The following CDH13 variants were observed in gnomAD, a reference collection of about 807,000 sequenced individuals.
The protein encoded by CDH13 is cadherin-13.
A neutral mutation model predicts 63.8 loss-of-function variants in CDH13; 24 were observed. The ratio of observed to expected loss-of-function variants is 0.38; its 90% CI spans 0.27 to 0.53. The LOEUF is 0.53. CDH13 is among the 20% of genes least tolerant of loss of function. The probability of loss-of-function intolerance (pLI) is 0.85; values close to 1 mark genes in which losing one functional copy is unlikely to be tolerated. For missense variants in CDH13, 1,049 were observed against 903.1 expected, an observed-to-expected ratio of 1.16 and a Z score of -2.07; for synonymous variants, 503 against 355.3, an observed-to-expected ratio of 1.42 and a Z score of -4.67.
intron 2 of CDH13, among the ~76,000 whole-genome samples, chr16:82,970,118 C>T (rs1199326640): frequency 1.3e-5 from 2 of 152,004 alleles, no homozygotes; most frequent in South Asian, 2.1e-4. Flanking sequence ...GTGGTGTTTC[C>T]CTCCCTGTTT....
At chr16:83,004,607 C>T (rs941754297) in intron 2 of CDH13, among the ~76,000 whole-genome samples, 6 of 152,190 alleles carry the variant, frequency 3.9e-5, no homozygotes, top group East Asian at 3.9e-4. Flanking sequence ...AAGCGATTCT[C>T]GTGCCTCAGC....
intron 4 of CDH13, among the ~76,000 whole-genome samples, chr16:83,155,797 C>T (rs1232101669): frequency 1.3e-5 from 2 of 152,158 alleles, no homozygotes; most frequent in Non-Finnish European, 2.9e-5. Context: ...GTAGTCAAGT[C>T]AAGGCAGTAG....
intron 4 of CDH13, among the ~76,000 whole-genome samples, 193 bp from the exon 5 acceptor site, chr16:83,217,152 A>C (rs1216290095): frequency 1.3e-5 from 2 of 152,160 alleles, no homozygotes; most frequent in Non-Finnish European, 2.9e-5. Context: ...AGCTGCAAAG[A>C]CGTGGATATT....
At chr16:82,814,644 C>G (rs928686883) in intron 1 of CDH13, among the ~76,000 whole-genome samples, 2 of 152,160 alleles carry the variant, frequency 1.3e-5, no homozygotes, top group African/African-American at 4.8e-5. Context: ...TTCATCTATA[C>G]TCTTTGTAAT....
rs1909783502 is a variant in CDH13, at chr16:82,644,191, C to G, written c.45+17054C>G. ...CAAATTAACATGAATGTTTGGCACCCTTTGGCTGGTGCGGCTGAAGAATTC... is the reference window on the plus strand; with the variant it reads ...CAAATTAACATGAATGTTTGGCACCGTTTGGCTGGTGCGGCTGAAGAATTC... On this transcript the variant is annotated intron_variant, in intron 1 of 13. Transcript: ENST00000567109. The surrounding 1 kb of genome is among the most constrained non-coding windows in gnomAD (Gnocchi z 5.7). 6.6e-6 allele frequency among the ~76,000 whole-genome samples: 1 copy of G among 152,140 alleles called. No individual in the cohort carries two copies. The highest frequency in any genetic ancestry group is 2.1e-4 in the South Asian group (1 of 4,830).
chr16:82,668,010 A>G (rs1001137804), intron 1 of CDH13, among the ~76,000 whole-genome samples: 2 of 152,182 alleles, frequency 1.3e-5, no homozygotes, highest in African/African-American at 2.4e-5. Flanking sequence ...TCGCGACACC[A>G]TTACCAGGAC....
intron 3 of CDH13, among the ~76,000 whole-genome samples, chr16:83,110,115 C>T (rs750676723): frequency 5.3e-5 from 8 of 152,096 alleles, no homozygotes; most frequent in Admixed American, 2.0e-4. Context: ...TTTTTAGGTT[C>T]AACTTTTCAA....
At position 82,783,658 on chromosome 16, in the gene CDH13, A is replaced by T. The variant is rs11642248; in HGVS notation, c.46-74704A>T. Among the ~76,000 whole-genome samples, 34 of 152,212 alleles carry T rather than the reference A, an allele frequency of 2.2e-4. 1 individual carries two copies. In the East Asian group the frequency reaches 6.4e-3, roughly 29 times the overall value. On this transcript the variant is annotated intron_variant, in intron 1 of 13. Coordinates refer to ENST00000567109, the MANE Select transcript of CDH13 (RefSeq NM_001257.5). The stretch of plus-strand genomic sequence containing the variant: ...GGAACTAAATGGAGTTGCTTGTTCA[A>T]TGAGATTCTAATTTCAGTGAGAGGA...
At chr16:83,087,671 C>CAAAAAAAAAAAAAAA (rs67228844) in intron 3 of CDH13, among the ~76,000 whole-genome samples, 6 of 43,996 alleles carry the variant, frequency 1.4e-4, no homozygotes, top group African/African-American at 5.2e-4. Context: ...CCCTCCGTCT[C>CAAAAAAAAAAAAAAA]AAAAAAAAAA....
At chr16:83,244,324 C>T (rs1259187298) in intron 5 of CDH13, among the ~76,000 whole-genome samples, 2 of 152,022 alleles carry the variant, frequency 1.3e-5, no homozygotes, top group Non-Finnish European at 2.9e-5. Context: ...GTGATGGTTA[C>T]TGTGTGTGAA....
intron 6 of CDH13, among the ~76,000 whole-genome samples, chr16:83,464,369 G>T (rs544166217): frequency 1.3e-5 from 2 of 151,980 alleles, no homozygotes; most frequent in Non-Finnish European, 2.9e-5. Flanking sequence ...AAAATGAGCC[G>T]GGCGTGATGG....
chr16:83,426,963 G>A (rs941538416), intron 6 of CDH13, among the ~76,000 whole-genome samples: 2 of 111,102 alleles, frequency 1.8e-5, no homozygotes, highest in Non-Finnish European at 3.3e-5. Flanking sequence ...CGCTTGCTCT[G>A]TCGCCCAGGC....
At chr16:83,411,256 C>G (rs188986767) in intron 6 of CDH13, among the ~76,000 whole-genome samples, 2 of 152,346 alleles carry the variant, frequency 1.3e-5, no homozygotes, top group Admixed American at 6.5e-5. Flanking sequence ...TGAAATGTAG[C>G]TTCCTCAGAG....
chr16:82,676,706 C>T (rs1277018977), intron 1 of CDH13, among the ~76,000 whole-genome samples: 1 of 152,066 alleles, frequency 6.6e-6, no homozygotes, highest in African/African-American at 2.4e-5. Context: ...AAACCTCGGA[C>T]ATGAGCTATA....
At chr16:83,705,239 C>T (rs1343675804) in intron 10 of CDH13, among the ~76,000 whole-genome samples, 1 of 152,144 alleles carries the variant, frequency 6.6e-6, no homozygotes, top group East Asian at 1.9e-4. Context: ...TACAAAATGT[C>T]ATGCTCTAAT....
At chr16:83,787,587 G>A (rs745760182) in intron 13 of CDH13, among the ~76,000 whole-genome samples, 11 of 152,274 alleles carry the variant, frequency 7.2e-5, no homozygotes, top group Middle Eastern at 3.4e-3. Context: ...TGGAGTGAGC[G>A]CCAGACAGAC....
intron 1 of CDH13, among the ~76,000 whole-genome samples, chr16:82,857,878 G>T (rs1381956479): frequency 6.6e-6 from 1 of 152,124 alleles, no homozygotes; most frequent in Non-Finnish European, 1.5e-5. Context: ...AGCCACCGGT[G>T]GTTCATGGTC....
At chr16:83,231,436 G>A (rs571491644) in intron 5 of CDH13, among the ~76,000 whole-genome samples, 26 of 152,188 alleles carry the variant, frequency 1.7e-4, no homozygotes, top group Admixed American at 2.0e-4. Context: ...AGAATTGCAC[G>A]TTAACAAGCA....
At chr16:83,719,945 A>G (rs544968621) in intron 10 of CDH13, among the ~76,000 whole-genome samples, 17 of 152,282 alleles carry the variant, frequency 1.1e-4, no homozygotes, top group Admixed American at 1.3e-4. Context: ...GTAGGAATCT[A>G]CATCTCCCTG....
Sources: gnomAD v4.1 joint callset for allele counts (sites outside exome capture counted in the v4.1 genomes callset) on GRCh38, gnomAD v4.1.1 for gene constraint, Gnocchi (gnomAD v3.1) non-coding constraint, MANE v1.5 for transcripts, NCBI Gene and HGNC (gene_info 2026-07-23, HGNC 2026-07-21) for gene names.